The following CTNND2 variants were observed in gnomAD, a reference collection of about 807,000 sequenced individuals.
CTNND2 encodes catenin delta-2.
A neutral mutation model predicts 144.4 loss-of-function variants in CTNND2; 22 were observed. The ratio of observed to expected loss-of-function variants is 0.15; its 90% confidence interval spans 0.11 to 0.22. The LOEUF is 0.22. CTNND2 is among the 10% of genes least tolerant of loss of function. CTNND2 has a pLI of 1.00. For missense variants in CTNND2, 1,353 were observed against 1,618.8 expected (o/e 0.84, Z 2.82); for synonymous variants, 751 against 695.6 (o/e 1.08, Z -1.25).
At chr5:11,006,096 C>A (rs1249090340) in intron 18 of CTNND2, among the ~76,000 whole-genome samples, 5 of 152,084 alleles carry the variant, frequency 3.3e-5, no homozygotes, top group Non-Finnish European at 5.9e-5. Context: ...AGATCATCTA[C>A]ATTAGCAGGT....
chr5:11,454,307 C>G (rs535582042), intron 3 of CTNND2, among the ~76,000 whole-genome samples: 1 of 152,008 alleles, frequency 6.6e-6, no homozygotes, highest in Non-Finnish European at 1.5e-5. Context: ...GTAGTCCCAG[C>G]TACTAGGGAG....
intron 2 of CTNND2, among the ~76,000 whole-genome samples, chr5:11,658,192 T>C (rs1319282539): frequency 6.6e-6 from 1 of 152,100 alleles, no homozygotes; most frequent in African/African-American, 2.4e-5. Flanking sequence ...TTATTACATC[T>C]TTTTAACCAA....
At chr5:11,823,838 T>A (rs1425465344) in intron 1 of CTNND2, among the ~76,000 whole-genome samples, 2 of 152,198 alleles carry the variant, frequency 1.3e-5, no homozygotes, top group African/African-American at 2.4e-5. Context: ...CTGGGCACAG[T>A]GGCTCACACC....
chr5:11,376,956 C>T (rs532866206), intron 7 of CTNND2, among the ~76,000 whole-genome samples: 1 of 152,180 alleles, frequency 6.6e-6, no homozygotes, highest in South Asian at 2.1e-4. Flanking sequence ...AAAGATAGCA[C>T]TCCTATATTT....
intron 10 of CTNND2, among the ~76,000 whole-genome samples, chr5:11,201,030 A>G (rs1737386118): frequency 6.6e-6 from 1 of 152,132 alleles, no homozygotes; most frequent in Admixed American, 6.5e-5. Context: ...AGGTGACTCT[A>G]ACCACACCGT....
chr5:11,407,860 A>T (rs1275830272), intron 5 of CTNND2, among the ~76,000 whole-genome samples: 1 of 151,600 alleles, frequency 6.6e-6, no homozygotes, highest in African/African-American at 2.4e-5. Flanking sequence ...GGAGAGGTAA[A>T]TATGGTATAC....
intron 9 of CTNND2, among the ~76,000 whole-genome samples, chr5:11,294,507 T>C (rs765549003): frequency 5.0e-4 from 76 of 152,296 alleles, no homozygotes; most frequent in African/African-American, 1.3e-3. Flanking sequence ...ATAACAAATA[T>C]GATAAAGTTC....
At chr5:11,086,034 A>C (rs1444531065) in intron 15 of CTNND2, among the ~76,000 whole-genome samples, 1 of 152,096 alleles carries the variant, frequency 6.6e-6, no homozygotes, top group Non-Finnish European at 1.5e-5. Flanking sequence ...CAGTGTGGCA[A>C]GGGGTAGCTG....
In CTNND2 at chr5:11,665,422, G is replaced by GAAAACAGA. The variant is rs1783510807; in HGVS notation, c.174+66706_174+66713dup. On this transcript the variant is annotated intron_variant, in intron 2 of 21. Coordinates refer to ENST00000304623, the MANE Select transcript of CTNND2 (RefSeq NM_001332.4). Reference sequence around the variant, plus strand: ...TTTACCATATAGCAAGATAGTTCCTGAAAACAGAATGCCTGAACCCGTGTA... The same window carrying GAAAACAGA: ...TTTACCATATAGCAAGATAGTTCCTGAAAACAGAAAAACAGAATGCCTGAACCCGTGTA... Among the ~76,000 whole-genome samples the GAAAACAGA allele has an allele frequency of 4.6e-5, 7 of 152,234 alleles. No individual in the cohort carries two copies. The South Asian group carries it at 1.5e-3, about 32-fold the overall frequency.
intron 9 of CTNND2, among the ~76,000 whole-genome samples, chr5:11,279,132 GAATAC>G (rs1242359627): frequency 6.6e-6 from 1 of 152,136 alleles, no homozygotes; most frequent in Admixed American, 6.5e-5. Flanking sequence ...GGGCAGATGA[GAATAC>G]ATGATTGCTC....
intron 1 of CTNND2, among the ~76,000 whole-genome samples, chr5:11,848,481 A>G (rs1296851433): frequency 6.6e-6 from 1 of 152,162 alleles, no homozygotes; most frequent in African/African-American, 2.4e-5. Context: ...CCATAACGTG[A>G]ATTTGGGACT....
In CTNND2 at chr5:11,181,495, G is replaced by T. The variant is rs146536932; in HGVS notation, c.1975+17953C>A. On this transcript the variant is annotated intron_variant, in intron 11 of 21. Coordinates refer to ENST00000304623, the MANE Select transcript of CTNND2 (RefSeq NM_001332.4). ...TGGTGACCAGCTGAGAGAACTGCAA[G>T]CTCTAAAAGCACTGTGGAAGCTTCT... is the stretch of plus-strand genomic sequence containing the variant. Among the ~76,000 whole-genome samples, 679 of 152,250 alleles carry T rather than the reference G, an allele frequency of 4.5e-3. 7 individuals are homozygous for T. Among genetic ancestry groups the T allele is most frequent in the African/African-American group, 0.015 (641 of 41,530 alleles).
intron 11 of CTNND2, among the ~76,000 whole-genome samples, chr5:11,171,958 G>A (rs550505649): frequency 6.6e-6 from 1 of 152,302 alleles, no homozygotes; most frequent in African/African-American, 2.4e-5. Flanking sequence ...TATTAATTGA[G>A]TAAAAAAGTT....
intron 3 of CTNND2, among the ~76,000 whole-genome samples, chr5:11,520,510 G>A (rs1304426498): frequency 6.6e-6 from 1 of 152,248 alleles, no homozygotes; most frequent in South Asian, 2.1e-4. Context: ...AAGTGACTGC[G>A]TTCTCAGTAG....
At chr5:11,278,784 C>A (rs1746818139) in intron 9 of CTNND2, among the ~76,000 whole-genome samples, 2 of 152,118 alleles carry the variant, frequency 1.3e-5, no homozygotes, top group Admixed American at 6.6e-5. Context: ...CTGGGGCATC[C>A]CCAAATCAGC....
At chr5:11,185,401 T>C (rs1027342490) in intron 11 of CTNND2, among the ~76,000 whole-genome samples, 17 of 152,220 alleles carry the variant, frequency 1.1e-4, no homozygotes, top group African/African-American at 4.1e-4. Context: ...AGGCATCTAT[T>C]GTGAACTGGA....
chr5:11,130,284 A>T (rs1034344292), intron 12 of CTNND2, among the ~76,000 whole-genome samples: 1 of 152,052 alleles, frequency 6.6e-6, no homozygotes. Flanking sequence ...CCATAAACGT[A>T]AGCCATCAGA....
At chr5:11,648,358 T>C (rs886183626) in intron 2 of CTNND2, among the ~76,000 whole-genome samples, 1 of 152,064 alleles carries the variant, frequency 6.6e-6, no homozygotes, top group African/African-American at 2.4e-5. Flanking sequence ...TTTCTAGGAA[T>C]GGTGATGCAG....
At chr5:11,598,403 G>A (rs1254454422) in intron 2 of CTNND2, among the ~76,000 whole-genome samples, 1 of 152,046 alleles carries the variant, frequency 6.6e-6, no homozygotes, top group African/African-American at 2.4e-5. Context: ...AGGACTCCAG[G>A]GGGGTCTCCT....
Sources: allele counts gnomAD v4.1 joint callset (sites outside exome capture counted in the v4.1 genomes callset), GRCh38; gene constraint gnomAD v4.1.1; transcripts MANE v1.5; gene names NCBI Gene and HGNC (gene_info 2026-07-23, HGNC 2026-07-21).